PAPSS1: variants seen among roughly 807,000 people sequenced by gnomAD.
PAPSS1 encodes bifunctional 3'-phosphoadenosine 5'-phosphosulfate synthase 1.
Under a neutral mutation model 72.0 loss-of-function variants are expected in PAPSS1, and 50 were observed. That is an observed-to-expected ratio of 0.69 (90% CI 0.55 to 0.88). The LOEUF is 0.88. PAPSS1 is among the 40% of genes least tolerant of loss of function. The pLI is 0.00. For missense variants in PAPSS1, 657 were observed against 782.2 expected (o/e 0.84, Z 1.91); for synonymous variants, 261 against 263.6 (o/e 0.99, Z 0.09).
chr4:107,720,202 CCGGGGTTCT>C lies in PAPSS1; in HGVS notation c.-32_-24del. 1 of 1,595,640 alleles carries C rather than the reference CCGGGGTTCT, an allele frequency of 6.3e-7. No homozygotes were observed. Among genetic ancestry groups the C allele is most frequent in the South Asian group, 1.1e-5 (1 of 89,092 alleles). ...CATGACCGCGGAGCGCGCTGAGCAG[CCGGGGTTCT>C]CTGCGCCGGGAGGGTAGCAAGAGGA... On this transcript the variant is annotated 5_prime_UTR_variant, in exon 1 of 12. Coordinates refer to ENST00000265174, the MANE Select transcript of PAPSS1 (RefSeq NM_005443.5).
intron 2 of PAPSS1, among the ~76,000 whole-genome samples, chr4:107,700,302 G>T (rs1336111341): frequency 6.6e-6 from 1 of 152,128 alleles, no homozygotes; most frequent in Non-Finnish European, 1.5e-5. Flanking sequence ...GTGGCAAAAT[G>T]TATCAAAATT....
In PAPSS1 at chr4:107,693,928, G is replaced by C; in HGVS notation, c.254C>G (p.Thr85Ser). ...TTGACGAATATTGTCACCATCCAGAGTGTAGCATGGAATACCATGACAAAC... is the reference window on the plus strand; with the variant it reads ...TTGACGAATATTGTCACCATCCAGACTGTAGCATGGAATACCATGACAAAC... ...YLVCHGIPCY[T>S]LDGDNIRQGL... Residue 85 changes from threonine to serine, a missense_variant, in exon 3 of 12, where the codon ACT becomes AGT. Thr to Ser is a moderately conservative substitution (Grantham distance 58, BLOSUM62 1). Transcript: ENST00000265174. The C allele has an allele frequency of 6.2e-7, 1 of 1,613,784 alleles. No homozygotes were observed. The highest frequency in any genetic ancestry group is 8.5e-7 in the Non-Finnish European group (1 of 1,179,784).
At chr4:107,645,899 T>C (rs1396462284) in intron 9 of PAPSS1, among the ~76,000 whole-genome samples, 1 of 152,184 alleles carries the variant, frequency 6.6e-6, no homozygotes, top group Non-Finnish European at 1.5e-5. Flanking sequence ...ATCTCCAATC[T>C]GTTCTCAATT....
intron 1 of PAPSS1, among the ~76,000 whole-genome samples, chr4:107,717,950 A>C (rs1723679982): frequency 6.6e-6 from 1 of 152,214 alleles, no homozygotes; most frequent in South Asian, 2.1e-4. Context: ...TGGATGAATT[A>C]ACAAGAACAT....
chr4:107,622,512 A>G (rs764396642), intron 11 of PAPSS1, among the ~76,000 whole-genome samples: 44 of 152,200 alleles, frequency 2.9e-4, no homozygotes, highest in African/African-American at 4.8e-4. Context: ...CCTCCCTACA[A>G]TGGTTTCAAA....
At chr4:107,719,089 A>C (rs750950559) in intron 1 of PAPSS1, among the ~76,000 whole-genome samples, 1 of 152,212 alleles carries the variant, frequency 6.6e-6, no homozygotes, top group Non-Finnish European at 1.5e-5. Context: ...TATAGAGTTA[A>C]ATAAAAGGAG....
At chr4:107,682,177 T>G (rs1722639060) in intron 4 of PAPSS1, 44 bp from the exon 5 acceptor site, 4 of 1,001,452 alleles carry the variant, frequency 4.0e-6, no homozygotes, top group Non-Finnish European at 6.2e-6. Flanking sequence ...AAAATAAAAT[T>G]AAAATAGTTT....
At chr4:107,641,719 G>T (rs1329678560) in intron 10 of PAPSS1, among the ~76,000 whole-genome samples, 1 of 152,126 alleles carries the variant, frequency 6.6e-6, no homozygotes, top group African/African-American at 2.4e-5. Context: ...AAACACCAAA[G>T]GATATCCCAA....
chr4:107,643,147 G>T (rs1726596150), intron 10 of PAPSS1, among the ~76,000 whole-genome samples: 1 of 152,142 alleles, frequency 6.6e-6, no homozygotes, highest in Non-Finnish European at 1.5e-5. Flanking sequence ...AATGTAAAGT[G>T]AAAGAAGCCA....
intron 11 of PAPSS1, among the ~76,000 whole-genome samples, chr4:107,615,552 A>T (rs1029848596): frequency 6.6e-6 from 1 of 152,234 alleles, no homozygotes; most frequent in African/African-American, 2.4e-5. Flanking sequence ...ATTATGCCTA[A>T]GACAGCTATA....
chr4:107,706,268 ATTTTTG>A (rs1263986161), intron 1 of PAPSS1, among the ~76,000 whole-genome samples: 1 of 152,056 alleles, frequency 6.6e-6, no homozygotes, highest in East Asian at 1.9e-4. Context: ...CTATACCTCA[ATTTTTG>A]TACTTTTGAT....
chr4:107,616,347 C>A (rs1011675793), intron 11 of PAPSS1, among the ~76,000 whole-genome samples: 4 of 152,084 alleles, frequency 2.6e-5, no homozygotes, highest in Non-Finnish European at 5.9e-5. Context: ...TTAAAAATCT[C>A]TATCCAAAGT....
At chr4:107,651,465 G>A (rs1018090742) in intron 9 of PAPSS1, among the ~76,000 whole-genome samples, 4 of 152,124 alleles carry the variant, frequency 2.6e-5, no homozygotes, top group African/African-American at 4.8e-5. Context: ...AGAAATGCCC[G>A]AGACCAGGTA....
At chr4:107,720,064 G>T (rs960323877) in intron 1 of PAPSS1, 56 bp downstream of exon 1, 1 of 1,579,988 alleles carries the variant, frequency 6.3e-7, no homozygotes. Flanking sequence ...GCTCCGGAAC[G>T]AGCTGCTCCC....
At chr4:107,704,242 GA>G (rs1723279779) in intron 1 of PAPSS1, among the ~76,000 whole-genome samples, 1 of 152,212 alleles carries the variant, frequency 6.6e-6, no homozygotes, top group Non-Finnish European at 1.5e-5. Flanking sequence ...GTCTTCTGGT[GA>G]AATCTTTAGG....
At chr4:107,693,708 T>C in intron 3 of PAPSS1, 63 bp downstream of exon 3, 1 of 1,169,066 alleles carries the variant, frequency 8.6e-7, no homozygotes, top group Non-Finnish European at 1.3e-6. Flanking sequence ...AAGTATGTGC[T>C]TTGCCTGATA....
intron 5 of PAPSS1, among the ~76,000 whole-genome samples, chr4:107,681,053 T>C (rs1206098499): frequency 6.6e-6 from 1 of 152,210 alleles, no homozygotes; most frequent in Admixed American, 6.5e-5. Flanking sequence ...ATTTATAATA[T>C]ATTCAGACAA....
chr4:107,671,430 G>A (rs1156628686), intron 5 of PAPSS1, among the ~76,000 whole-genome samples: 1 of 151,836 alleles, frequency 6.6e-6, no homozygotes, highest in East Asian at 1.9e-4. Context: ...AGAAACCTGT[G>A]GCACCCAAAG....
intron 9 of PAPSS1, among the ~76,000 whole-genome samples, chr4:107,646,214 T>C (rs1156330755): frequency 6.6e-6 from 1 of 151,942 alleles, no homozygotes; most frequent in East Asian, 1.9e-4. Context: ...TTTCTATCCT[T>C]CTCAATGTAC....
Sources: gnomAD v4.1 joint callset for allele counts (sites outside exome capture counted in the v4.1 genomes callset) on GRCh38, gnomAD v4.1.1 for gene constraint, MANE v1.5 for transcripts, NCBI Gene and HGNC (gene_info 2026-07-23, HGNC 2026-07-21) for gene names.